The following USP11 variants were observed in gnomAD, a reference collection of about 807,000 sequenced individuals.
USP11 encodes ubiquitin carboxyl-terminal hydrolase 11.
USP11 carries 5 observed loss-of-function variants against 72.8 expected under a neutral mutation model. The ratio of observed to expected loss-of-function variants is 0.07; its 90% CI spans 0.04 to 0.14. The LOEUF is 0.14. USP11 is among the 10% of genes least tolerant of loss of function. The pLI, the probability that USP11 is intolerant of heterozygous loss-of-function variation, is 1.00. For synonymous variants in USP11, 368 were observed against 326.5 expected (o/e 1.13, Z -1.37); for missense variants, 480 against 794.7 (o/e 0.60, Z 4.76).
chrX:47,247,371 G>A lies in USP11; in HGVS notation c.2488G>A (p.Asp830Asn). 8.3e-7 allele frequency: 1 copy of A among 1,211,200 alleles called. No homozygotes were observed. Among genetic ancestry groups the A allele is most frequent in the East Asian group, 3.0e-5 (1 of 33,783 alleles). Reference sequence around the variant, plus strand: ...GTCGAATCCGGAGCTGTACAAATATGACCTCATCGCGGTTTCCAACCATTA... The same window carrying A: ...GTCGAATCCGGAGCTGTACAAATATAACCTCATCGCGGTTTCCAACCATTA... ...NESNPELYKY[D>N]LIAVSNHYGG... is the part of the protein sequence containing the mutation. Residue 830 changes from aspartate to asparagine, a missense_variant, in exon 19 of 21, where the codon GAC becomes AAC. Physicochemically the swap from Asp to Asn is conservative, Grantham distance 23 (BLOSUM62 1). Coordinates refer to ENST00000377107, the MANE Select transcript of USP11 (RefSeq NM_001371072.1).
chrX:47,242,960 A>G (rs1243532930), intron 12 of USP11, among the ~76,000 whole-genome samples: 1 of 111,196 alleles, frequency 9.0e-6, no homozygotes, highest in African/African-American at 3.3e-5. Context: ...ACAGGGCAAA[A>G]CTCCATCTCA....
intron 1 of USP11, among the ~76,000 whole-genome samples, chrX:47,234,926 CA>C (rs1387327724): frequency 8.9e-6 from 1 of 112,255 alleles, no homozygotes; most frequent in Non-Finnish European, 1.9e-5. Flanking sequence ...AACGATTGAG[CA>C]AATGAGTAAA....
intron 2 of USP11, 30 bp downstream of exon 2, chrX:47,239,209 A>G: frequency 8.4e-7 from 1 of 1,187,760 alleles, no homozygotes; most frequent in Non-Finnish European, 1.1e-6. Flanking sequence ...TTCTCACCCT[A>G]GCCCTGGAGT....
In USP11 at chrX:47,243,580, A is replaced by G; in HGVS notation, c.1768A>G (p.Asn590Asp). 8.3e-7 allele frequency: 1 copy of G among 1,211,590 alleles called. No individual in the cohort carries two copies. Among genetic ancestry groups the G allele is most frequent in the Non-Finnish European group, 1.1e-6 (1 of 895,432 alleles). The change falls in exon 13 of 21, where the codon AAC (asparagine) becomes GAC (aspartate). Residue 590 changes from asparagine to aspartate, a missense_variant. This residue lies in a region of USP11 where 314 missense variants were observed against 556.0 expected (regional missense o/e 0.56). Transcript: ENST00000377107. ...RDRFTWEGLYNVLMYRLSRYV... is the reference protein window; with the variant it reads ...RDRFTWEGLYDVLMYRLSRYV... ...CCGCTTCACCTGGGAGGGCCTGTAT[A>G]ACGTCCTGATGTACCGGCTCTCGTA...
In USP11 at chrX:47,241,363, G is replaced by A; in HGVS notation, c.933G>A (p.Met311Ile). Reference protein sequence around the residue: ...EELNFRNPLGMKGEIAEAYAD... With the variant: ...EELNFRNPLGIKGEIAEAYAD... ...TCAACTTCCGCAACCCACTGGGCAT[G>A]AAGGGTGAGATCGCAGAGGCCTATG... The change falls in exon 8 of 21, where the codon ATG (methionine) becomes ATA (isoleucine). Residue 311 changes from methionine (M) to isoleucine (I), a missense_variant. Met to Ile is a conservative substitution (Grantham distance 10, BLOSUM62 1). Around this residue, in one of 5 missense-constraint regions of USP11, gnomAD observed 314 missense variants for 556.0 expected, o/e 0.56. Coordinates refer to ENST00000377107, the MANE Select transcript of USP11 (RefSeq NM_001371072.1). 1 of 1,211,769 alleles carries A rather than the reference G, an allele frequency of 8.3e-7. No homozygotes were observed. Among genetic ancestry groups the A allele is most frequent in the Non-Finnish European group, 1.1e-6 (1 of 895,497 alleles).
intron 3 of USP11, 134 bp from the exon 4 acceptor site, chrX:47,239,656 C>G: frequency 1.0e-6 from 1 of 963,682 alleles, no homozygotes; most frequent in Non-Finnish European, 1.4e-6. Flanking sequence ...CTGTGTGGCT[C>G]TCTTTACAGA....
chrX:47,241,578 A>G lies in USP11; in HGVS notation c.1058A>G (p.Tyr353Cys). 1 of 1,206,255 alleles carries G rather than the reference A, an allele frequency of 8.3e-7. No homozygotes were observed. The highest frequency in any genetic ancestry group is 1.1e-6 in the Non-Finnish European group (1 of 892,998). Residue 353 changes from tyrosine (Y) to cysteine (C), a missense_variant, in exon 9 of 21, where the codon TAC becomes TGC. Around this residue, in one of 5 missense-constraint regions of USP11, gnomAD observed 314 missense variants for 556.0 expected, o/e 0.56. Coordinates refer to ENST00000377107, the MANE Select transcript of USP11 (RefSeq NM_001371072.1). Reference protein sequence around the residue: ...VGHFASQFLGYQQHDSQELLS... With the variant: ...VGHFASQFLGCQQHDSQELLS... ...CATTTTGCATCCCAATTTCTGGGCTACCAGCAGCATGACTCTCAGGAGCTG... is the reference window on the plus strand; with the variant it reads ...CATTTTGCATCCCAATTTCTGGGCTGCCAGCAGCATGACTCTCAGGAGCTG...
Position 47,239,073 on chromosome X carries a change from C to T in USP11, c.180C>T (p.Phe60=), listed in dbSNP as rs2055389192. ...ERPLRAGESW[F]LVEKHWYKQW... ...TTGTTACCTGTCTGGGCCCCAGGTTCCTTGTGGAGAAGCACTGGTATAAGC... is the reference window on the plus strand; with the variant it reads ...TTGTTACCTGTCTGGGCCCCAGGTTTCTTGTGGAGAAGCACTGGTATAAGC... Residue 60 remains phenylalanine, a synonymous_variant, in exon 2 of 21, where the codon TTC becomes TTT. Transcript: ENST00000377107. 1.7e-6 allele frequency: 2 copies of T among 1,206,052 alleles called. No homozygotes were observed. Among genetic ancestry groups the T allele is most frequent in the Non-Finnish European group, 2.2e-6 (2 of 892,956 alleles).
intron 17 of USP11, 139 bp downstream of exon 17, chrX:47,245,621 T>G: frequency 2.4e-6 from 1 of 414,522 alleles, no homozygotes. Context: ...CTCGGCTCAG[T>G]GCAACCTCTG....
At chrX:47,241,771 C>T (rs1016132086) in intron 9 of USP11, 72 bp downstream of exon 9, 120 of 1,082,963 alleles carry the variant, frequency 1.1e-4, no homozygotes, top group Non-Finnish European at 1.4e-4. Flanking sequence ...TCTGGCCTCC[C>T]TGGGGTATCT....
chrX:47,243,413 G>C lies in USP11; in HGVS notation c.1601G>C (p.Arg534Pro). Reference protein sequence around the residue: ...DDIFVYEVSGRIEAIEGSRED... With the variant: ...DDIFVYEVSGPIEAIEGSRED... ...CCCCACAGCTATGAGGTGTCAGGTC[G>C]CATTGAGGCCATTGAGGGCTCAAGA... is the stretch of plus-strand genomic sequence containing the variant. The change falls in exon 13 of 21, where the codon CGC becomes CCC. Residue 534 changes from arginine (R) to proline (P), a missense_variant. Transcript: ENST00000377107. 8.3e-7 allele frequency: 1 copy of C among 1,212,084 alleles called. No individual in the cohort carries two copies. The highest frequency in any genetic ancestry group is 1.1e-6 in the Non-Finnish European group (1 of 895,559).
rs762214646 is a variant in USP11, at chrX:47,236,406, A to G, written c.177-2664A>G. ...AAGTCATGGACTAACCCCAAATCAT[A>G]TATCTTGTATCAGTATTAATATTTG... On this transcript the variant is annotated intron_variant, in intron 1 of 20. Transcript: ENST00000377107. Among the ~76,000 whole-genome samples the G allele has an allele frequency of 2.8e-3, 314 of 112,450 alleles. 2 individuals are homozygous for G. Among genetic ancestry groups the G allele is most frequent in the African/African-American group, 9.4e-3 (292 of 30,966 alleles).
rs750491967 is a variant in USP11, at chrX:47,243,534, C to G, written c.1722C>G (p.Leu574=). 1 of 1,211,996 alleles carries G rather than the reference C, an allele frequency of 8.3e-7. No homozygotes were observed. Among genetic ancestry groups the G allele is most frequent in the Non-Finnish European group, 1.1e-6 (1 of 895,564 alleles). ...YYGLMLFGHP[L]LVSVPRDRFT... ...GCCTGATGCTTTTTGGACACCCCCT[C>G]CTGGTATCAGTGCCCCGGGACCGCT... The change falls in exon 13 of 21, where the codon CTC becomes CTG. Residue 574 remains leucine, a synonymous_variant. Coordinates refer to ENST00000377107, the MANE Select transcript of USP11 (RefSeq NM_001371072.1).
chrX:47,242,855 C>T, intron 12 of USP11, 135 bp downstream of exon 12: 1 of 503,988 alleles, frequency 2.0e-6, no homozygotes, highest in East Asian at 3.6e-5. Flanking sequence ...CGCAGAGCTT[C>T]AGCCACATGC....
At chrX:47,243,119 C>T (rs1290625705) in intron 12 of USP11, among the ~76,000 whole-genome samples, 2 of 110,876 alleles carry the variant, frequency 1.8e-5, no homozygotes, top group Non-Finnish European at 1.9e-5. Context: ...AAAAATTAGC[C>T]GGGCGTGGTG....
At chrX:47,236,572 T>C (rs761055515) in intron 1 of USP11, among the ~76,000 whole-genome samples, 1 of 112,473 alleles carries the variant, frequency 8.9e-6, no homozygotes, top group South Asian at 3.6e-4. Context: ...CTTGGAAATT[T>C]TCACTTTTTC....
intron 7 of USP11, 143 bp from the exon 8 acceptor site, chrX:47,241,134 C>A: frequency 1.5e-6 from 1 of 651,986 alleles, no homozygotes; most frequent in South Asian, 3.0e-5. Context: ...CCTTCTCTCC[C>A]CTACTCTCCT....
chrX:47,237,278 G>C (rs766747710), intron 1 of USP11, among the ~76,000 whole-genome samples: 2 of 111,071 alleles, frequency 1.8e-5, no homozygotes, highest in Non-Finnish European at 3.8e-5. Flanking sequence ...TTGGGTCTGA[G>C]CATTGAGCCA....
chrX:47,239,654 C>A, intron 3 of USP11, 136 bp from the exon 4 acceptor site: 1 of 963,256 alleles, frequency 1.0e-6, no homozygotes, highest in Non-Finnish European at 1.4e-6. Context: ...CCCTGTGTGG[C>A]TCTCTTTACA....
Sources: gnomAD v4.1 joint callset for allele counts (sites outside exome capture counted in the v4.1 genomes callset) on GRCh38, gnomAD v4.1.1 for gene constraint, gnomAD v4.1.1 regional missense constraint, MANE v1.5 for transcripts, NCBI Gene and HGNC (gene_info 2026-07-23, HGNC 2026-07-21) for gene names.